Variants in RARS1 observed in about 807,000 individuals in gnomAD.
RARS1 encodes arginyl-tRNA synthetase 1, also known as arginine--tRNA ligase, cytoplasmic.
Under a neutral mutation model 78.7 loss-of-function variants are expected in RARS1, and 75 were observed. The observed-to-expected ratio is 0.95, with a 90% confidence interval of 0.79 to 1.15. RARS1 has a LOEUF of 1.15. RARS1 is among the 50% of genes most tolerant of loss of function. RARS1 has a pLI of 0.00. For missense variants in RARS1, 787 were observed against 787.5 expected (o/e 1.00, Z 0.01); for synonymous variants, 273 against 268.2 (o/e 1.02, Z -0.18).
chr5:168,501,637 C>G (rs11743757), intron 8 of RARS1, among the ~76,000 whole-genome samples: 19,769 of 152,014 alleles, frequency 0.13, 1,709 homozygotes, highest in Non-Finnish European at 0.19. Context: ...GCAGGAGAAT[C>G]GCTTGAACCC....
intron 11 of RARS1, among the ~76,000 whole-genome samples, chr5:168,510,178 A>T (rs901372839): frequency 2.6e-5 from 4 of 152,200 alleles, no homozygotes; most frequent in African/African-American, 7.2e-5. Context: ...TTGATTAGTA[A>T]TTTTTCTAAA....
intron 5 of RARS1, 24 bp downstream of exon 5, chr5:168,494,674 T>A: frequency 6.9e-7 from 1 of 1,444,978 alleles, no homozygotes; most frequent in Non-Finnish European, 9.7e-7. Context: ...CTTCTATTAA[T>A]ATATTAGTAT....
chr5:168,516,019 G>T (rs1464945855), intron 12 of RARS1, among the ~76,000 whole-genome samples: 2 of 151,940 alleles, frequency 1.3e-5, no homozygotes, highest in East Asian at 3.9e-4. Flanking sequence ...TTTCTGCTTG[G>T]GTTCTGTCCC....
chr5:168,504,213 G>A (rs1468275951), intron 9 of RARS1, among the ~76,000 whole-genome samples: 2 of 151,982 alleles, frequency 1.3e-5, no homozygotes, highest in African/African-American at 2.4e-5. Flanking sequence ...GTGAGACCCT[G>A]TCTCTACAAA....
chr5:168,486,784 C>T (rs1757973723), intron 1 of RARS1, among the ~76,000 whole-genome samples: 1 of 152,136 alleles, frequency 6.6e-6, no homozygotes. Flanking sequence ...AGGCCTCCCC[C>T]AAACCAGCGT....
At chr5:168,488,173 A>G in intron 1 of RARS1, 2 of 382,706 alleles carry the variant, frequency 5.2e-6, no homozygotes, top group Non-Finnish European at 1.0e-5. Flanking sequence ...TGTCAAGCAG[A>G]CTGGAGTGCA....
Position 168,506,789 on chromosome 5 carries a change from G to C in RARS1, c.1304G>C (p.Arg435Pro), listed in dbSNP as rs756878080. 6.2e-7 allele frequency: 1 copy of C among 1,613,710 alleles called. No homozygotes were observed. Among genetic ancestry groups the C allele is most frequent in the Non-Finnish European group, 8.5e-7 (1 of 1,179,752 alleles). Residue 435 changes from arginine (R) to proline (P), a missense_variant, in exon 11 of 15, where the codon CGA becomes CCA. Arg to Pro is a moderately radical substitution (Grantham distance 103). Transcript: ENST00000231572. ...MIGWYDPKVT[R>P]VFHAGFGVVL... ...GGTTGGTATGACCCTAAAGTAACTC[G>C]AGTCTTCCATGCTGGATTTGGTGTG...
At chr5:168,490,092 G>C (rs1363140237) in intron 2 of RARS1, among the ~76,000 whole-genome samples, 1 of 152,172 alleles carries the variant, frequency 6.6e-6, no homozygotes, top group East Asian at 1.9e-4. Flanking sequence ...GGGATTACAG[G>C]CGTGAGCCAC....
chr5:168,502,387 T>A lies in RARS1; in HGVS notation c.1057+282T>A, dbSNP rs796394826. The stretch of plus-strand genomic sequence containing the variant: ...ATATATATATATATATATATATATT[T>A]TTTTTTTTTAAAACAATCTTGCTAT... On this transcript the variant is annotated intron_variant, in intron 9 of 14. Coordinates refer to ENST00000231572, the MANE Select transcript of RARS1 (RefSeq NM_002887.4). Among the ~76,000 whole-genome samples, 1,109 of 141,586 alleles carry A rather than the reference T, an allele frequency of 7.8e-3. 19 individuals are homozygous for A. Among genetic ancestry groups the A allele is most frequent in the East Asian group, 0.033 (147 of 4,510 alleles). The allele number at this position is 141,586 out of a possible 152,430, so 92.9% of individuals were successfully genotyped here.
chr5:168,517,026 T>A (rs1758679646), intron 13 of RARS1, 76 bp downstream of exon 13: 1 of 1,483,036 alleles, frequency 6.7e-7, no homozygotes, highest in African/African-American at 1.4e-5. Flanking sequence ...TTTTCTTTTT[T>A]TTTTTTTGAA....
At chr5:168,490,425 C>T (rs978674222) in intron 2 of RARS1, among the ~76,000 whole-genome samples, 1 of 152,204 alleles carries the variant, frequency 6.6e-6, no homozygotes, top group East Asian at 1.9e-4. Context: ...ACCTCAGCCT[C>T]CCAAGTAGCT....
chr5:168,491,049 A>G (rs1276470377), intron 2 of RARS1, among the ~76,000 whole-genome samples: 1 of 152,242 alleles, frequency 6.6e-6, no homozygotes, highest in African/African-American at 2.4e-5. Context: ...AGGCATGAGA[A>G]TCACTTAAAC....
chr5:168,509,600 G>T (rs1758525613), intron 11 of RARS1, among the ~76,000 whole-genome samples: 1 of 151,710 alleles, frequency 6.6e-6, no homozygotes, highest in Admixed American at 6.6e-5. Flanking sequence ...TAGTGATTCT[G>T]ATTGCAGTAG....
intron 2 of RARS1, among the ~76,000 whole-genome samples, chr5:168,491,162 C>T (rs747486941): frequency 4.6e-5 from 7 of 152,012 alleles, no homozygotes; most frequent in Admixed American, 1.3e-4. Flanking sequence ...TAAAAATAAA[C>T]AAAAAATTGA....
chr5:168,493,005 T>G (rs1758118091), intron 3 of RARS1, 158 bp downstream of exon 3: 3 of 650,740 alleles, frequency 4.6e-6, no homozygotes, highest in Middle Eastern at 4.2e-4. Flanking sequence ...GGGGTATATG[T>G]TTTAACTTTT....
At chr5:168,506,287 CTG>C in intron 10 of RARS1, 88 bp downstream of exon 10, 1 of 1,113,060 alleles carries the variant, frequency 9.0e-7, no homozygotes, top group Non-Finnish European at 1.3e-6. Flanking sequence ...CACTGGATGA[CTG>C]TAAATTTTCC....
At position 168,492,731 on chromosome 5, in the gene RARS1, G is replaced by A. The variant is rs1226821055; in HGVS notation, c.253G>A (p.Gly85Ser). The change falls in exon 3 of 15, where the codon GGT becomes AGT. Residue 85 changes from glycine (G) to serine (S), a missense_variant. Gly to Ser is a moderately conservative substitution (Grantham distance 56). Coordinates refer to ENST00000231572, the MANE Select transcript of RARS1 (RefSeq NM_002887.4). ...NIISRLQEVF[G>S]HAIKAAYPDL... is the part of the protein sequence containing the mutation. The stretch of plus-strand genomic sequence containing the variant: ...TATTAGCCGCCTACAAGAGGTCTTT[G>A]GTCATGCAATTAAGGCTGCATATCC... The A allele has an allele frequency of 1.2e-6, 2 of 1,612,836 alleles. No homozygotes were observed. The highest frequency in any genetic ancestry group is 1.7e-6 in the Non-Finnish European group (2 of 1,178,972).
At chr5:168,510,760 TGAG>T (rs1300140155) in intron 12 of RARS1, 74 bp downstream of exon 12, 71 of 1,093,954 alleles carry the variant, frequency 6.5e-5, no homozygotes, top group East Asian at 5.7e-4. Flanking sequence ...TTGAGAGAAC[TGAG>T]GAGAAGTGTG....
At chr5:168,514,477 ATCTTT>A (rs1042473178) in intron 12 of RARS1, among the ~76,000 whole-genome samples, 29 of 152,218 alleles carry the variant, frequency 1.9e-4, no homozygotes, top group African/African-American at 6.7e-4. Context: ...GAAATTTTTC[ATCTTT>A]TCTTCCAGTT....
Sources: allele counts gnomAD v4.1 joint callset (sites outside exome capture counted in the v4.1 genomes callset), GRCh38; gene constraint gnomAD v4.1.1; transcripts MANE v1.5; gene names NCBI Gene and HGNC (gene_info 2026-07-23, HGNC 2026-07-21).